JAZF1: variants seen among roughly 807,000 people sequenced by gnomAD.
JAZF1 encodes the protein juxtaposed with another zinc finger protein 1.
JAZF1 carries 8 observed loss-of-function variants against 26.4 expected under a neutral mutation model. The ratio of observed to expected loss-of-function variants is 0.30; its 90% confidence interval spans 0.18 to 0.55. JAZF1 has a LOEUF of 0.55. JAZF1 is among the 20% of genes least tolerant of loss of function. The probability of loss-of-function intolerance (pLI) is 0.94; values close to 1 mark genes in which losing one functional copy is unlikely to be tolerated. For missense variants in JAZF1, 199 were observed against 322.0 expected, an observed-to-expected ratio of 0.62 and a Z score of 2.92; for synonymous variants, 126 against 122.3, an observed-to-expected ratio of 1.03 and a Z score of -0.20.
chr7:28,060,639 G>A (rs1783783152), intron 1 of JAZF1, among the ~76,000 whole-genome samples: 1 of 152,132 alleles, frequency 6.6e-6, no homozygotes, highest in Non-Finnish European at 1.5e-5. Context: ...TAGCTCTAAG[G>A]TTCAAGACAG....
At chr7:28,024,024 G>T (rs914335868) in intron 1 of JAZF1, among the ~76,000 whole-genome samples, 1 of 152,094 alleles carries the variant, frequency 6.6e-6, no homozygotes, top group African/African-American at 2.4e-5. Context: ...AGTGGCTCAT[G>T]CCTGACATGC....
Position 27,869,923 on chromosome 7 carries a change from T to C in JAZF1, c.385+25297A>G, listed in dbSNP as rs190810370. 3.0e-4 allele frequency among the ~76,000 whole-genome samples: 45 copies of C among 152,268 alleles called. No individual in the cohort carries two copies. The East Asian group carries it at 8.5e-3, about 29-fold the overall frequency. Reference sequence around the variant, plus strand: ...TAACTACATTTATTTTATTTTGAGATGGAATCTCGCTCTGTTGCTCTGTCG... The same window carrying C: ...TAACTACATTTATTTTATTTTGAGACGGAATCTCGCTCTGTTGCTCTGTCG... On this transcript the variant is annotated intron_variant, in intron 3 of 4. Coordinates refer to ENST00000283928, the MANE Select transcript of JAZF1 (RefSeq NM_175061.4).
chr7:27,977,990 T>C (rs1785504973), intron 2 of JAZF1, among the ~76,000 whole-genome samples: 1 of 152,248 alleles, frequency 6.6e-6, no homozygotes, highest in African/African-American at 2.4e-5. Flanking sequence ...TTGTTTATGG[T>C]GACAGAAATC....
intron 1 of JAZF1, among the ~76,000 whole-genome samples, chr7:28,127,311 G>A (rs1420082599): frequency 3.3e-5 from 5 of 152,178 alleles, no homozygotes; most frequent in Non-Finnish European, 7.3e-5. Flanking sequence ...TGTAACCTTA[G>A]GTATAACCCA....
At chr7:28,053,623 C>G (rs1359529145) in intron 1 of JAZF1, among the ~76,000 whole-genome samples, 1 of 152,306 alleles carries the variant, frequency 6.6e-6, no homozygotes, top group Admixed American at 6.5e-5. Flanking sequence ...TTCATACCTC[C>G]TATTAATGGC....
At chr7:28,126,131 T>G (rs540907850) in intron 1 of JAZF1, among the ~76,000 whole-genome samples, 1 of 152,304 alleles carries the variant, frequency 6.6e-6, no homozygotes, top group South Asian at 2.1e-4. Flanking sequence ...GGGAAGGATG[T>G]AGCCCCTTCA....
intron 1 of JAZF1, among the ~76,000 whole-genome samples, chr7:28,154,391 G>C (rs1783150428): frequency 6.6e-6 from 1 of 152,178 alleles, no homozygotes; most frequent in Non-Finnish European, 1.5e-5. Context: ...GACCACTAAT[G>C]ACTCTTCTAG....
intron 2 of JAZF1, among the ~76,000 whole-genome samples, chr7:27,930,721 GAA>G (rs1343380015): frequency 6.6e-6 from 1 of 151,960 alleles, no homozygotes; most frequent in Non-Finnish European, 1.5e-5. Context: ...CTACCACTAA[GAA>G]AATGTTCATA....
Position 28,163,099 on chromosome 7 carries a change from G to A in JAZF1, c.115+17364C>T, listed in dbSNP as rs368161789. Among the ~76,000 whole-genome samples the A allele has an allele frequency of 1.8e-4, 28 of 152,292 alleles. No individual in the cohort carries two copies. In the Middle Eastern group the frequency reaches 0.01, roughly 56 times the overall value. The stretch of plus-strand genomic sequence containing the variant: ...GCTGCCTGTTGTGCTTGTTATACCA[G>A]ATAATAACAAAAGCATTATCAGCTC... On this transcript the variant is annotated intron_variant, in intron 1 of 4. Transcript: ENST00000283928.
rs1490754230 is a variant in JAZF1, at chr7:28,013,087, G to A, written c.116-21106C>T. Reference sequence around the variant, plus strand: ...AGCCTGGGTAGGTTTATCAAGTAGCGGCTCCTTGCTATAGCCCCAGTGATT... The same window carrying A: ...AGCCTGGGTAGGTTTATCAAGTAGCAGCTCCTTGCTATAGCCCCAGTGATT... On this transcript the variant is annotated intron_variant, in intron 1 of 4. Transcript: ENST00000283928. Among the ~76,000 whole-genome samples, 5 of 152,168 alleles carry A rather than the reference G, an allele frequency of 3.3e-5. 1 individual carries two copies. Among genetic ancestry groups the A allele is most frequent in the Admixed American group, 2.6e-4 (4 of 15,286 alleles).
chr7:27,918,739 T>A (rs1784482759), intron 2 of JAZF1, among the ~76,000 whole-genome samples: 1 of 152,182 alleles, frequency 6.6e-6, no homozygotes, highest in African/African-American at 2.4e-5. Flanking sequence ...AAATTTCCAT[T>A]TCTCTGAACA....
At chr7:27,929,957 T>TCTCC (rs1180020852) in intron 2 of JAZF1, among the ~76,000 whole-genome samples, 49 of 148,908 alleles carry the variant, frequency 3.3e-4, no homozygotes, top group Non-Finnish European at 1.0e-4. Flanking sequence ...TCTCTCTCTC[T>TCTCC]CTCCCCCTCT....
chr7:27,936,169 C>T (rs1251085548), intron 2 of JAZF1, among the ~76,000 whole-genome samples: 2 of 152,134 alleles, frequency 1.3e-5, no homozygotes, highest in African/African-American at 4.8e-5. Flanking sequence ...TTTTCTTCCC[C>T]TTTACTTTAG....
chr7:28,009,780 C>T (rs573383771), intron 1 of JAZF1, among the ~76,000 whole-genome samples: 1 of 152,316 alleles, frequency 6.6e-6, no homozygotes, highest in Admixed American at 6.5e-5. Flanking sequence ...ACCACACCCA[C>T]ACCCGGTCAC....
At chr7:27,968,393 G>C (rs900681695) in intron 2 of JAZF1, among the ~76,000 whole-genome samples, 2 of 152,190 alleles carry the variant, frequency 1.3e-5, no homozygotes, top group African/African-American at 2.4e-5. Context: ...TAGAATTCCA[G>C]AGCCTGAGCC....
chr7:27,864,006 T>C (rs1179530296), intron 3 of JAZF1: 1 of 152,268 alleles, frequency 6.6e-6, no homozygotes, highest in Non-Finnish European at 1.5e-5. Flanking sequence ...CACAGGAGAA[T>C]GCAGGGGCTG....
At chr7:28,151,255 C>T (rs765360450) in intron 1 of JAZF1, among the ~76,000 whole-genome samples, 31 of 151,632 alleles carry the variant, frequency 2.0e-4, no homozygotes, top group Non-Finnish European at 4.1e-4. Context: ...AGGCACATGC[C>T]ACCACACTCG....
At chr7:28,142,974 G>A (rs757647860) in intron 1 of JAZF1, among the ~76,000 whole-genome samples, 7 of 152,160 alleles carry the variant, frequency 4.6e-5, no homozygotes, top group Non-Finnish European at 8.8e-5. Context: ...AAAGAGCATT[G>A]TACTGGGAGT....
Position 28,173,880 on chromosome 7 carries a change from TAAAAAAAAAAAAAA to T in JAZF1, c.115+6569_115+6582del, listed in dbSNP as rs58075065. Among the ~76,000 whole-genome samples the T allele has an allele frequency of 0.019, 1,800 of 93,156 alleles. 150 individuals are homozygous for T. In the East Asian group the frequency reaches 0.28, roughly 14 times the overall value. 61.1% of individuals were successfully genotyped at this position (93,156 alleles called of 152,430 possible). A position where few individuals can be genotyped will look rare whatever the true frequency, so the allele number is the denominator to read the frequency against. Reference sequence around the variant, plus strand: ...TCTGGTCCCTGCTTGCAGCTAGCTTTAAAAAAAAAAAAAAAAAAAAAAAAAAGTAGGTGAAAACT... The same window carrying T: ...TCTGGTCCCTGCTTGCAGCTAGCTTTAAAAAAAAAAAAGTAGGTGAAAACT... On this transcript the variant is annotated intron_variant, in intron 1 of 4. Transcript: ENST00000283928.
Sources: gnomAD v4.1 joint callset for allele counts (sites outside exome capture counted in the v4.1 genomes callset) on GRCh38, gnomAD v4.1.1 for gene constraint, MANE v1.5 for transcripts, NCBI Gene and HGNC (gene_info 2026-07-23, HGNC 2026-07-21) for gene names.